DIAPH2: variants seen among roughly 807,000 people sequenced by gnomAD.
DIAPH2 encodes diaphanous related formin 2.
A neutral mutation model predicts 92.7 loss-of-function variants in DIAPH2; 35 were observed. The ratio of observed to expected loss-of-function variants is 0.38; its 90% CI spans 0.29 to 0.50. The LOEUF is 0.50. Among genes scored for constraint, DIAPH2 ranks in the 20% least tolerant of loss-of-function variants. The pLI is 0.94. For synonymous variants in DIAPH2, 301 were observed against 280.4 expected (o/e 1.07, Z -0.73); for missense variants, 701 against 819.5 (o/e 0.86, Z 1.77).
chrX:97,515,243 G>A (rs1184246829), intron 26 of DIAPH2, among the ~76,000 whole-genome samples: 91 of 112,685 alleles, frequency 8.1e-4, no homozygotes, highest in African/African-American at 2.2e-3. Flanking sequence ...TCGGAAAAGC[G>A]CAGTATTCGG....
intron 17 of DIAPH2, among the ~76,000 whole-genome samples, chrX:97,004,498 G>C (rs749250483): frequency 2.7e-5 from 3 of 111,201 alleles, no homozygotes; most frequent in Non-Finnish European, 5.7e-5. Flanking sequence ...CGATCTTTTA[G>C]AGTTTTCATG....
intron 25 of DIAPH2, among the ~76,000 whole-genome samples, chrX:97,397,667 TC>T (rs2069717608): frequency 8.9e-6 from 1 of 111,865 alleles, no homozygotes. Flanking sequence ...GTCTCTTTAG[TC>T]CCATATTTTT....
rs760073834 is a variant in DIAPH2, at chrX:97,090,298, C to CTTTTTTTTT, written c.2248-9368_2248-9360dup. Reference sequence around the variant, plus strand: ...GTGATCCTCTGATTGTCTCTGATCCCTTTTTTTTTTTTTTTTTTTTTTTTT... The same window carrying CTTTTTTTTT: ...GTGATCCTCTGATTGTCTCTGATCCCTTTTTTTTTTTTTTTTTTTTTTTTTTTTTTTTTT... On this transcript the variant is annotated intron_variant, in intron 19 of 26. Coordinates refer to ENST00000324765, the MANE Select transcript of DIAPH2 (RefSeq NM_006729.5). Among the ~76,000 whole-genome samples the CTTTTTTTTT allele has an allele frequency of 3.6e-4, 14 of 38,871 alleles. 4 individuals are homozygous for CTTTTTTTTT. Among genetic ancestry groups the CTTTTTTTTT allele is most frequent in the Non-Finnish European group, 4.1e-4 (9 of 21,823 alleles). 33.8% of individuals were successfully genotyped at this position (38,871 alleles called of 115,157 possible). A position where few individuals can be genotyped will look rare whatever the true frequency, so the allele number is the denominator to read the frequency against.
At chrX:96,772,439 G>T (rs1389170810) in intron 4 of DIAPH2, among the ~76,000 whole-genome samples, 2 of 111,767 alleles carry the variant, frequency 1.8e-5, no homozygotes. Flanking sequence ...CTTTTGAGTA[G>T]TTTGTACTGA....
intron 1 of DIAPH2, among the ~76,000 whole-genome samples, chrX:96,711,275 C>G (rs908742795): frequency 8.9e-6 from 1 of 111,883 alleles, no homozygotes; most frequent in Admixed American, 9.5e-5. Context: ...AGTGGTTGTA[C>G]TAGTTTACAT....
chrX:97,297,111 TA>T (rs2068651349), intron 23 of DIAPH2, among the ~76,000 whole-genome samples: 2 of 35,338 alleles, frequency 5.7e-5, no homozygotes, highest in Non-Finnish European at 1.0e-4. Flanking sequence ...TTTTTTTTTT[TA>T]AACAAAACTA....
chrX:97,383,796 G>C, intron 24 of DIAPH2, 113 bp from the exon 25 acceptor site: 1 of 660,036 alleles, frequency 1.5e-6, no homozygotes, highest in East Asian at 3.9e-5. Flanking sequence ...AAAGGTTTTT[G>C]TTTAACTTTG....
chrX:97,447,646 C>T (rs1443178312), intron 26 of DIAPH2, among the ~76,000 whole-genome samples: 1 of 111,418 alleles, frequency 9.0e-6, no homozygotes, highest in African/African-American at 3.3e-5. Flanking sequence ...GTGGGTGGTG[C>T]GTTAGCTCTG....
chrX:96,700,929 A>G (rs1222020145), intron 1 of DIAPH2, among the ~76,000 whole-genome samples: 1 of 112,233 alleles, frequency 8.9e-6, no homozygotes, highest in East Asian at 2.8e-4. Context: ...TAGGGCTACT[A>G]TTAGGCACCT....
At chrX:96,895,683 CA>C in intron 5 of DIAPH2, among the ~76,000 whole-genome samples, 2 of 111,747 alleles carry the variant, frequency 1.8e-5, no homozygotes, top group East Asian at 5.6e-4. Flanking sequence ...TTTCCATTGG[CA>C]ATAATCTAGC....
intron 4 of DIAPH2, among the ~76,000 whole-genome samples, chrX:96,815,213 T>C (rs940323418): frequency 1.1e-4 from 12 of 111,722 alleles, no homozygotes; most frequent in African/African-American, 3.9e-4. Context: ...CCCCAGCCGC[T>C]CTGTTTACCT....
At chrX:97,568,097 C>A (rs1355698542) in intron 26 of DIAPH2, among the ~76,000 whole-genome samples, 1 of 63,870 alleles carries the variant, frequency 1.6e-5, no homozygotes, top group Non-Finnish European at 2.6e-5. Flanking sequence ...GCCTGGGCGA[C>A]AGAACGAGAC....
At chrX:97,497,760 C>A (rs2147827210) in intron 26 of DIAPH2, among the ~76,000 whole-genome samples, 1 of 110,813 alleles carries the variant, frequency 9.0e-6, no homozygotes, top group East Asian at 2.8e-4. Flanking sequence ...GAGCCAATAT[C>A]ATGCCACTGG....
At chrX:97,300,735 A>G (rs1359673205) in intron 23 of DIAPH2, among the ~76,000 whole-genome samples, 33 of 87,679 alleles carry the variant, frequency 3.8e-4, no homozygotes, top group Non-Finnish European at 6.6e-4. Context: ...GATTGAGACC[A>G]TCCTGGCTAA....
At chrX:97,590,719 G>A (rs1354968676) in intron 26 of DIAPH2, among the ~76,000 whole-genome samples, 2 of 111,499 alleles carry the variant, frequency 1.8e-5, no homozygotes, top group Non-Finnish European at 3.8e-5. Context: ...TCCTGGCCCA[G>A]GTTATTGCAA....
At chrX:96,972,874 G>A (rs1465702980) in intron 17 of DIAPH2, among the ~76,000 whole-genome samples, 1 of 111,596 alleles carries the variant, frequency 9.0e-6, no homozygotes, top group Non-Finnish European at 1.9e-5. Flanking sequence ...ATTTGAGCAA[G>A]GAATCATTCA....
At chrX:97,426,960 T>C (rs2070071985) in intron 25 of DIAPH2, among the ~76,000 whole-genome samples, 1 of 110,616 alleles carries the variant, frequency 9.0e-6, no homozygotes, top group Non-Finnish European at 1.9e-5. Context: ...GCGGATCACT[T>C]GAGGTCAGGA....
chrX:97,272,457 A>G (rs2068397675), intron 23 of DIAPH2, among the ~76,000 whole-genome samples: 1 of 112,283 alleles, frequency 8.9e-6, no homozygotes, highest in African/African-American at 3.2e-5. Context: ...TTAATGTAGC[A>G]TCAAATCTTG....
At chrX:97,273,892 T>C (rs530943261) in intron 23 of DIAPH2, among the ~76,000 whole-genome samples, 2 of 111,552 alleles carry the variant, frequency 1.8e-5, no homozygotes, top group African/African-American at 6.5e-5. Flanking sequence ...ATATATTTAC[T>C]CTTGGCCTTG....
Sources: gnomAD v4.1 joint callset for allele counts (sites outside exome capture counted in the v4.1 genomes callset) on GRCh38, gnomAD v4.1.1 for gene constraint, MANE v1.5 for transcripts, NCBI Gene and HGNC (gene_info 2026-07-23, HGNC 2026-07-21) for gene names.